ZNF793: variants seen among roughly 807,000 people sequenced by gnomAD.
The protein encoded by ZNF793 is zinc finger protein 793.
Under a neutral mutation model 12.4 loss-of-function variants are expected in ZNF793, and 5 were observed. The ratio of observed to expected loss-of-function variants is 0.40; its 90% confidence interval spans 0.21 to 0.84. The LOEUF is 0.84. ZNF793 is among the 40% of genes least tolerant of loss of function. The pLI, the probability that ZNF793 is intolerant of heterozygous loss-of-function variation, is 0.35. For missense variants in ZNF793, 456 were observed against 495.0 expected (o/e 0.92, Z 0.75); for synonymous variants, 162 against 172.4 (o/e 0.94, Z 0.47).
At chr19:37,507,686 G>A (rs2042261334) in intron 1 of ZNF793, among the ~76,000 whole-genome samples, 1 of 152,144 alleles carries the variant, frequency 6.6e-6, no homozygotes, top group Non-Finnish European at 1.5e-5. Context: ...TGTCACTTGT[G>A]GGTGGGAGTG....
At chr19:37,518,003 C>T (rs543937202) in intron 2 of ZNF793, among the ~76,000 whole-genome samples, 13 of 152,230 alleles carry the variant, frequency 8.5e-5, no homozygotes, top group South Asian at 6.2e-4. Context: ...TTCATAGATT[C>T]GGACTTACAT....
chr19:37,513,806 G>C (rs978404930), intron 2 of ZNF793, among the ~76,000 whole-genome samples: 4 of 152,166 alleles, frequency 2.6e-5, no homozygotes, highest in Admixed American at 6.5e-5. Flanking sequence ...AGATGGAAAA[G>C]ATTAGATGAG....
At position 37,532,484 on chromosome 19, in the gene ZNF793, TA is replaced by T; in HGVS notation, c.142+4del. The T allele has an allele frequency of 6.2e-7, 1 of 1,600,514 alleles. No individual in the cohort carries two copies. Among genetic ancestry groups the T allele is most frequent in the Non-Finnish European group, 8.5e-7 (1 of 1,173,560 alleles). The stretch of plus-strand genomic sequence containing the variant: ...CCTATAGCAACCTCGTCTCAGTGGG[TA>T]AGAACATCCTCACCATACAATGCAG... On this transcript the variant is annotated splice_donor_region_variant and intron_variant, in intron 6 of 7. Transcript: ENST00000627814.
In ZNF793 at chr19:37,533,411, T is replaced by A; in HGVS notation, c.238+8T>A. The stretch of plus-strand genomic sequence containing the variant: ...CGGGCTGCCACTGTTGGGGTAAGTG[T>A]GATAAATCTAGCAAAAGGGGTACTG... On this transcript the variant is annotated splice_region_variant and intron_variant, in intron 7 of 7. Coordinates refer to ENST00000627814, the MANE Select transcript of ZNF793 (RefSeq NM_001013659.3). 1 of 1,613,216 alleles carries A rather than the reference T, an allele frequency of 6.2e-7. No homozygotes were observed. Among genetic ancestry groups the A allele is most frequent in the East Asian group, 2.2e-5 (1 of 44,870 alleles).
chr19:37,536,626 C>T, intron 7 of ZNF793: 1 of 433,044 alleles, frequency 2.3e-6, no homozygotes, highest in Non-Finnish European at 4.0e-6. Flanking sequence ...AAAGCCTTTA[C>T]TTTCTGACTC....
chr19:37,516,448 A>G (rs890422866), intron 2 of ZNF793, among the ~76,000 whole-genome samples: 2 of 150,964 alleles, frequency 1.3e-5, no homozygotes, highest in Non-Finnish European at 3.0e-5. Flanking sequence ...ATCTAGTTTT[A>G]AGATTGTGAC....
At chr19:37,510,992 C>T (rs918635903) in intron 2 of ZNF793, among the ~76,000 whole-genome samples, 6 of 151,892 alleles carry the variant, frequency 4.0e-5, no homozygotes, top group African/African-American at 7.2e-5. Flanking sequence ...CCACCACACC[C>T]GGCCAAAAAA....
rs1488280849 is a variant in ZNF793 at position 37,538,103 on chromosome 19, G to A, written c.*224G>A. ...ATTTTTTTTTTGTATTTTTAGTAGA[G>A]ACGGGGTTTCACCGTGTTAGCCAGG... On this transcript the variant is annotated 3_prime_UTR_variant, in exon 8 of 8. Transcript: ENST00000627814. 2.4e-5 allele frequency: 11 copies of A among 450,272 alleles called. No individual in the cohort carries two copies. Among genetic ancestry groups the A allele is most frequent in the Non-Finnish European group, 4.3e-5 (11 of 255,060 alleles). The allele number at this position is 450,272 out of a possible 1,614,324, so 27.9% of individuals were successfully genotyped here.
intron 2 of ZNF793, among the ~76,000 whole-genome samples, chr19:37,515,436 T>A (rs564054032): frequency 1.3e-5 from 2 of 152,110 alleles, no homozygotes; most frequent in Admixed American, 6.6e-5. Context: ...GCCTCCCAAG[T>A]AGCTAGGACC....
rs1375432637 is a variant in ZNF793 at position 37,541,285 on chromosome 19, CAG to C, written c.*3408_*3409del. 6.6e-6 allele frequency: 1 copy of C among 152,132 alleles called. No individual in the cohort carries two copies. Among genetic ancestry groups the C allele is most frequent in the African/African-American group, 2.4e-5 (1 of 41,420 alleles). The allele number at this position is 152,132 out of a possible 1,614,324, so 9.4% of individuals were successfully genotyped here. On this transcript the variant is annotated 3_prime_UTR_variant, in exon 8 of 8. Coordinates refer to ENST00000627814, the MANE Select transcript of ZNF793 (RefSeq NM_001013659.3). ...TTTAAGACGTAAAATTTTAAAGCAA[CAG>C]AATTCTTAAAAGAAAATCAAAGGAG...
chr19:37,516,551 G>A (rs947187939), intron 2 of ZNF793, among the ~76,000 whole-genome samples: 4 of 152,144 alleles, frequency 2.6e-5, no homozygotes, highest in African/African-American at 7.2e-5. Flanking sequence ...TCACAATCAC[G>A]TCACAATGCT....
intron 5 of ZNF793, among the ~76,000 whole-genome samples, chr19:37,529,724 C>G (rs2042442823): frequency 1.3e-5 from 2 of 152,096 alleles, no homozygotes; most frequent in Non-Finnish European, 2.9e-5. Flanking sequence ...AACTCCTGAC[C>G]TTAAGTGATC....
chr19:37,513,525 A>G (rs367692847), intron 2 of ZNF793, among the ~76,000 whole-genome samples: 16 of 152,242 alleles, frequency 1.1e-4, no homozygotes, highest in East Asian at 9.6e-4. Context: ...ATCTTGGGAA[A>G]TTGACTAGTT....
chr19:37,528,893 A>G (rs1204346409), intron 5 of ZNF793, among the ~76,000 whole-genome samples: 1 of 152,036 alleles, frequency 6.6e-6, no homozygotes, highest in Non-Finnish European at 1.5e-5. Flanking sequence ...GAGGAATCTC[A>G]CTTTTGTGCT....
intron 2 of ZNF793, among the ~76,000 whole-genome samples, chr19:37,515,632 G>A (rs1350545841): frequency 2.0e-5 from 3 of 152,144 alleles, no homozygotes; most frequent in African/African-American, 7.2e-5. Context: ...ATTGCAGTCA[G>A]TAATTAAAAG....
intron 5 of ZNF793, 23 bp downstream of exon 5, chr19:37,523,477 C>T (rs2042390604): frequency 6.2e-7 from 1 of 1,612,322 alleles, no homozygotes. Context: ...TTAAGTAGCC[C>T]AGTTTTCCTT....
chr19:37,537,611 A>C lies in ZNF793; in HGVS notation c.953A>C (p.Lys318Thr), dbSNP rs1339362160. 9 of 1,614,172 alleles carry C rather than the reference A, an allele frequency of 5.6e-6. No homozygotes were observed. In the Admixed American group the frequency reaches 8.3e-5, roughly 15 times the overall value. Residue 318 changes from lysine to threonine, a missense_variant, in exon 8 of 8, where the codon AAA becomes ACA. Coordinates refer to ENST00000627814, the MANE Select transcript of ZNF793 (RefSeq NM_001013659.3). ...ERPFVCSECG[K>T]SFGEKSYLNV... is the part of the protein sequence containing the mutation. ...CCCTTTGTCTGCAGTGAATGCGGGA[A>C]ATCGTTTGGTGAGAAGTCATACCTC...
At chr19:37,512,399 C>G (rs1013459950) in intron 2 of ZNF793, among the ~76,000 whole-genome samples, 5 of 151,954 alleles carry the variant, frequency 3.3e-5, no homozygotes, top group African/African-American at 9.7e-5. Flanking sequence ...CCTGTAGTCC[C>G]AGCTACTCAG....
Position 37,537,794 on chromosome 19 carries a change from A to G in ZNF793, c.1136A>G (p.Lys379Arg). The part of the protein sequence containing the change: ...CNECGKAFYQ[K>R]PNLSRHQKIH... ...GAATGTGGGAAAGCTTTCTACCAGA[A>G]GCCAAACCTCAGCAGACATCAGAAA... The change falls in exon 8 of 8, where the codon AAG becomes AGG. Residue 379 changes from lysine to arginine, a missense_variant. Coordinates refer to ENST00000627814, the MANE Select transcript of ZNF793 (RefSeq NM_001013659.3). The G allele has an allele frequency of 6.2e-7, 1 of 1,614,124 alleles. No individual in the cohort carries two copies. Among genetic ancestry groups the G allele is most frequent in the Non-Finnish European group, 8.5e-7 (1 of 1,179,960 alleles).
Sources: gnomAD v4.1 joint callset for allele counts (sites outside exome capture counted in the v4.1 genomes callset) on GRCh38, gnomAD v4.1.1 for gene constraint, MANE v1.5 for transcripts, NCBI Gene and HGNC (gene_info 2026-07-23, HGNC 2026-07-21) for gene names.